The following PTPRS variants were observed in gnomAD, a reference collection of about 807,000 sequenced individuals.
PTPRS encodes the protein receptor-type tyrosine-protein phosphatase S.
Under a neutral mutation model 215.3 loss-of-function variants are expected in PTPRS, and 63 were observed. The observed-to-expected ratio is 0.29, with a 90% CI of 0.24 to 0.36. The LOEUF is 0.36. Ranked by LOEUF, PTPRS falls within the 10% of genes least tolerant of loss-of-function variation. The pLI is 1.00. For synonymous variants in PTPRS, 1,404 were observed against 1,191.4 expected (o/e 1.18, Z -3.68); for missense variants, 2,258 against 2,825.8 (o/e 0.80, Z 4.56).
chr19:5,289,656 G>A (rs1286764324), intron 1 of PTPRS, among the ~76,000 whole-genome samples: 1 of 152,198 alleles, frequency 6.6e-6, no homozygotes, highest in East Asian at 1.9e-4. Flanking sequence ...CCCAAGTGCA[G>A]TCCAGTCCTG....
At chr19:5,290,109 G>C (rs2048688726) in intron 1 of PTPRS, among the ~76,000 whole-genome samples, 1 of 152,234 alleles carries the variant, frequency 6.6e-6, no homozygotes, top group African/African-American at 2.4e-5. Context: ...GAGAGGGAGT[G>C]ACCGCTGGAC....
chr19:5,332,553 G>A (rs958618499), intron 1 of PTPRS, among the ~76,000 whole-genome samples: 13 of 152,190 alleles, frequency 8.5e-5, no homozygotes, highest in African/African-American at 2.2e-4. Context: ...CATACGACCC[G>A]CTGGAGTGGA....
At chr19:5,281,484 G>C (rs1216447922) in intron 2 of PTPRS, among the ~76,000 whole-genome samples, 3 of 152,112 alleles carry the variant, frequency 2.0e-5, no homozygotes, top group East Asian at 3.9e-4. Context: ...CCACAAAAAA[G>C]ATCACAGAGT....
At chr19:5,227,858 C>T (rs1440341340) in intron 16 of PTPRS, among the ~76,000 whole-genome samples, 1 of 152,108 alleles carries the variant, frequency 6.6e-6, no homozygotes, top group Non-Finnish European at 1.5e-5. Flanking sequence ...GCACAGAACA[C>T]TCCCGGGCAC....
Position 5,260,789 on chromosome 19 carries a change from G to C in PTPRS, c.595+16C>G, listed in dbSNP as rs758400201. ...AGAGCGAGCGTGAGTGGGTGGGTGAGTGAGGAGCCTCTTACCTCGAATCGG... is the reference window on the plus strand; with the variant it reads ...AGAGCGAGCGTGAGTGGGTGGGTGACTGAGGAGCCTCTTACCTCGAATCGG... On this transcript the variant is annotated intron_variant, in intron 7 of 37. Transcript: ENST00000262963. The C allele has an allele frequency of 1.9e-6, 3 of 1,613,724 alleles. No individual in the cohort carries two copies. The highest frequency in any genetic ancestry group is 3.3e-5 in the Admixed American group (2 of 60,018).
intron 2 of PTPRS, chr19:5,278,118 G>A (rs985970492): frequency 1.9e-5 from 11 of 576,802 alleles, no homozygotes; most frequent in South Asian, 5.6e-5. Flanking sequence ...GCCAGGCTGC[G>A]CAGTGAAGAA....
In PTPRS at chr19:5,287,762, C is replaced by T. The variant is rs1040811561; in HGVS notation, c.-94-1528G>A. Among the ~76,000 whole-genome samples, 4 of 152,088 alleles carry T rather than the reference C, an allele frequency of 2.6e-5. No homozygotes were observed. Among genetic ancestry groups the T allele is most frequent in the African/African-American group, 9.7e-5 (4 of 41,398 alleles). On this transcript the variant is annotated intron_variant, in intron 1 of 37. Transcript: ENST00000262963. The surrounding 1 kb of genome is among the most constrained non-coding windows in gnomAD (Gnocchi z 4.8). Reference sequence around the variant, plus strand: ...AGGGTGACGAACGGGATTCGGGGGGCCTCAGTGTACATAGTTAGGCCACAG... The same window carrying T: ...AGGGTGACGAACGGGATTCGGGGGGTCTCAGTGTACATAGTTAGGCCACAG...
chr19:5,224,749 A>C (rs1033931542), intron 17 of PTPRS, among the ~76,000 whole-genome samples: 1 of 152,078 alleles, frequency 6.6e-6, no homozygotes, highest in African/African-American at 2.4e-5. Context: ...AGGGAGGGAG[A>C]GATCACAGGA....
intron 1 of PTPRS, among the ~76,000 whole-genome samples, chr19:5,332,532 C>G (rs745485128): frequency 1.3e-5 from 2 of 152,186 alleles, no homozygotes; most frequent in African/African-American, 4.8e-5. Flanking sequence ...GTTGAAGAAG[C>G]CTTTTTGGCC....
intron 2 of PTPRS, among the ~76,000 whole-genome samples, chr19:5,280,783 TTAAC>T (rs749703186): frequency 1.8e-4 from 20 of 113,378 alleles, no homozygotes; most frequent in Non-Finnish European, 3.6e-4. Context: ...ACAGCCTCCC[TTAAC>T]TTTTTTTTTT....
chr19:5,265,382 C>T (rs948355975), intron 4 of PTPRS, among the ~76,000 whole-genome samples, 186 bp from the exon 5 acceptor site: 6 of 152,226 alleles, frequency 3.9e-5, no homozygotes, highest in African/African-American at 1.4e-4. Flanking sequence ...TGCTCTGTTG[C>T]CCAGGCTGGA....
At chr19:5,336,909 T>G (rs2050521505) in intron 1 of PTPRS, among the ~76,000 whole-genome samples, 1 of 151,888 alleles carries the variant, frequency 6.6e-6, no homozygotes, top group African/African-American at 2.4e-5. Context: ...CCGAGAAGGG[T>G]TCTCATCCTC....
chr19:5,235,882 T>C (rs1378422594), intron 13 of PTPRS, among the ~76,000 whole-genome samples: 1 of 152,224 alleles, frequency 6.6e-6, no homozygotes, highest in Non-Finnish European at 1.5e-5. Context: ...AGTCTCTATG[T>C]GTTGCGTGCC....
intron 4 of PTPRS, among the ~76,000 whole-genome samples, chr19:5,269,943 G>T (rs1011325808): frequency 5.2e-5 from 4 of 76,726 alleles, no homozygotes; most frequent in African/African-American, 1.4e-4. Context: ...AAAAAAAAAA[G>T]AGTGTGGATG....
At chr19:5,212,625 C>T in intron 30 of PTPRS, 134 bp from the exon 31 acceptor site, 1 of 1,039,248 alleles carries the variant, frequency 9.6e-7, no homozygotes, top group Non-Finnish European at 1.4e-6. Context: ...GGGCGGATCA[C>T]CTGAGGTCAG....
intron 25 of PTPRS, among the ~76,000 whole-genome samples, chr19:5,217,866 G>A (rs1262010465): frequency 6.6e-6 from 1 of 152,178 alleles, no homozygotes; most frequent in African/African-American, 2.4e-5. Context: ...TCAAGGATAA[G>A]GCCTTGATTC....
At chr19:5,227,991 A>G in intron 16 of PTPRS, among the ~76,000 whole-genome samples, 1 of 151,986 alleles carries the variant, frequency 6.6e-6, no homozygotes, top group East Asian at 2.0e-4. Context: ...GACCCAGGCC[A>G]AGGGGATAAG....
At chr19:5,307,552 A>C (rs1355740275) in intron 1 of PTPRS, among the ~76,000 whole-genome samples, 2 of 152,210 alleles carry the variant, frequency 1.3e-5, no homozygotes, top group Non-Finnish European at 2.9e-5. Context: ...CAGCATGTAG[A>C]AGATGCTGCC....
intron 1 of PTPRS, among the ~76,000 whole-genome samples, chr19:5,320,247 G>A (rs186700073): frequency 7.5e-4 from 114 of 152,278 alleles, no homozygotes; most frequent in Non-Finnish European, 1.4e-3. Flanking sequence ...GGCAGCCAGT[G>A]CCCGTGGCCT....
Sources: gnomAD v4.1 joint callset for allele counts (sites outside exome capture counted in the v4.1 genomes callset) on GRCh38, gnomAD v4.1.1 for gene constraint, Gnocchi (gnomAD v3.1) non-coding constraint, MANE v1.5 for transcripts, NCBI Gene and HGNC (gene_info 2026-07-23, HGNC 2026-07-21) for gene names.